Variants in ITPRID1 observed in about 807,000 individuals in gnomAD.
ITPRID1 encodes the protein ITPR interacting domain containing 1.
ITPRID1 carries 96 observed loss-of-function variants against 95.4 expected under a neutral mutation model. The observed-to-expected ratio is 1.01, with a 90% CI of 0.85 to 1.19. The LOEUF (loss-of-function observed/expected upper bound fraction) is 1.19. Ranked by LOEUF, ITPRID1 falls within the 50% of genes most tolerant of loss-of-function variation. The pLI is 0.00. For synonymous variants in ITPRID1, 510 were observed against 453.6 expected (o/e 1.12, Z -1.58); for missense variants, 1,339 against 1,252.9 (o/e 1.07, Z -1.04).
At chr7:31,612,136 C>T (rs1478446609) in intron 10 of ITPRID1, among the ~76,000 whole-genome samples, 2 of 151,744 alleles carry the variant, frequency 1.3e-5, no homozygotes, top group Non-Finnish European at 2.9e-5. Flanking sequence ...ATGTTGAGGT[C>T]CTGTACTGAA....
At chr7:31,526,813 A>G (rs1238526501) in intron 1 of ITPRID1, among the ~76,000 whole-genome samples, 6 of 152,116 alleles carry the variant, frequency 3.9e-5, no homozygotes, top group Non-Finnish European at 7.4e-5. Flanking sequence ...TACAGTCACC[A>G]TAATATCTTA....
At chr7:31,642,605 A>G (rs752554535) in intron 11 of ITPRID1, 77 bp from the exon 12 acceptor site, 55 of 1,322,878 alleles carry the variant, frequency 4.2e-5, no homozygotes, top group Non-Finnish European at 5.1e-5. Flanking sequence ...GGCAATGACA[A>G]GAAGAAAATC....
At chr7:31,583,703 G>A (rs912273780) in intron 10 of ITPRID1, among the ~76,000 whole-genome samples, 4 of 152,070 alleles carry the variant, frequency 2.6e-5, no homozygotes, top group Non-Finnish European at 4.4e-5. Flanking sequence ...CCACAGAAAC[G>A]TTCAATATTC....
chr7:31,532,143 GTTTAT>G (rs1198985257), intron 1 of ITPRID1, among the ~76,000 whole-genome samples: 4 of 151,718 alleles, frequency 2.6e-5, no homozygotes, highest in Non-Finnish European at 2.9e-5. Flanking sequence ...TTTATAACAT[GTTTAT>G]TTTATTTTGT....
chr7:31,621,780 C>A (rs1787926404), intron 10 of ITPRID1, among the ~76,000 whole-genome samples: 1 of 148,478 alleles, frequency 6.7e-6, no homozygotes, highest in South Asian at 2.1e-4. Flanking sequence ...TGTAAATGGA[C>A]TAAATGCTCC....
intron 10 of ITPRID1, among the ~76,000 whole-genome samples, chr7:31,621,869 A>G (rs1172650197): frequency 6.6e-6 from 1 of 151,098 alleles, no homozygotes; most frequent in East Asian, 2.0e-4. Context: ...CCCATCTCAC[A>G]TGCAGAGACA....
Position 31,519,612 on chromosome 7 carries a change from C to A in ITPRID1, c.-98+5492C>A, listed in dbSNP as rs1356120737. Among the ~76,000 whole-genome samples the A allele has an allele frequency of 6.6e-3, 310 of 46,748 alleles. 3 individuals carry two copies. Among genetic ancestry groups the A allele is most frequent in the African/African-American group, 0.02 (236 of 12,000 alleles). 30.7% of individuals were successfully genotyped at this position (46,748 alleles called of 152,430 possible). ...TCTCTCTCTCTCTCTCTCTCTCTCT[C>A]TCTCTCTCTATATATATATATATAT... On this transcript the variant is annotated intron_variant, in intron 1 of 14. Transcript: ENST00000615280.
chr7:31,621,296 A>G (rs1365593529), intron 10 of ITPRID1, among the ~76,000 whole-genome samples: 2 of 87,034 alleles, frequency 2.3e-5, no homozygotes, highest in Admixed American at 2.6e-4. Flanking sequence ...ACTCCAAGAC[A>G]CATAATTGTC....
intron 3 of ITPRID1, 117 bp from the exon 4 acceptor site, chr7:31,554,358 G>A: frequency 2.8e-6 from 4 of 1,428,734 alleles, no homozygotes; most frequent in Non-Finnish European, 3.7e-6. Flanking sequence ...GCTTATGGAA[G>A]GAAACATGTG....
intron 10 of ITPRID1, among the ~76,000 whole-genome samples, chr7:31,623,508 C>T (rs1175244768): frequency 4.6e-5 from 7 of 151,836 alleles, no homozygotes; most frequent in African/African-American, 7.2e-5. Flanking sequence ...AAAAATGACA[C>T]GATTATCTCA....
intron 3 of ITPRID1, among the ~76,000 whole-genome samples, chr7:31,553,494 G>T (rs930833419): frequency 1.3e-5 from 2 of 152,162 alleles, no homozygotes; most frequent in Non-Finnish European, 2.9e-5. Flanking sequence ...TGGGCATGAG[G>T]CTTCTTTCAG....
chr7:31,629,574 A>T (rs1030156940), intron 10 of ITPRID1, among the ~76,000 whole-genome samples: 8 of 152,246 alleles, frequency 5.3e-5, no homozygotes, highest in Non-Finnish European at 7.3e-5. Flanking sequence ...TAAGAAAATG[A>T]TATGAAAAGA....
chr7:31,518,553 A>G (rs1043212080), intron 1 of ITPRID1, among the ~76,000 whole-genome samples: 2 of 152,222 alleles, frequency 1.3e-5, no homozygotes, highest in Admixed American at 6.5e-5. Context: ...TTGACCTTGA[A>G]GTGCATAAAC....
At chr7:31,608,227 GT>G (rs1471822106) in intron 10 of ITPRID1, among the ~76,000 whole-genome samples, 2 of 151,892 alleles carry the variant, frequency 1.3e-5, no homozygotes, top group Non-Finnish European at 2.9e-5. Flanking sequence ...TTATATGTCT[GT>G]CTGTATACTA....
intron 1 of ITPRID1, among the ~76,000 whole-genome samples, chr7:31,533,393 A>T (rs911092099): frequency 6.6e-6 from 1 of 152,302 alleles, no homozygotes; most frequent in East Asian, 1.9e-4. Context: ...ATCAATTTTT[A>T]TCAATTGTTT....
intron 1 of ITPRID1, among the ~76,000 whole-genome samples, chr7:31,523,046 G>A (rs1021960650): frequency 6.6e-6 from 1 of 152,158 alleles, no homozygotes; most frequent in African/African-American, 2.4e-5. Flanking sequence ...GATTCATAGG[G>A]CTAATGTAAG....
rs541915693 is a variant in ITPRID1, at chr7:31,573,121, A to C, written c.395+933A>C. Among the ~76,000 whole-genome samples the C allele has an allele frequency of 4.6e-5, 7 of 152,302 alleles. No homozygotes were observed. In the South Asian group the frequency reaches 1.2e-3, roughly 27 times the overall value. On this transcript the variant is annotated intron_variant, in intron 7 of 14. Coordinates refer to ENST00000615280, the MANE Select transcript of ITPRID1 (RefSeq NM_001257967.3). ...TCCCATGATTAAGATATCCAAATGGAGCCATCTCCAGTTCACGTTATAAGT... is the reference window on the plus strand; with the variant it reads ...TCCCATGATTAAGATATCCAAATGGCGCCATCTCCAGTTCACGTTATAAGT...
chr7:31,569,975 A>G (rs1203426816), intron 6 of ITPRID1, among the ~76,000 whole-genome samples, 166 bp downstream of exon 6: 1 of 152,182 alleles, frequency 6.6e-6, no homozygotes. Flanking sequence ...CAGCTTTGAG[A>G]GAAATAGAGG....
intron 2 of ITPRID1, among the ~76,000 whole-genome samples, chr7:31,552,177 G>C (rs1024739497): frequency 7.0e-6 from 1 of 142,844 alleles, no homozygotes; most frequent in African/African-American, 2.5e-5. Flanking sequence ...AATAATGGGG[G>C]CAGCTGATAC....
Sources: gnomAD v4.1 joint callset for allele counts (sites outside exome capture counted in the v4.1 genomes callset) on GRCh38, gnomAD v4.1.1 for gene constraint, MANE v1.5 for transcripts, NCBI Gene and HGNC (gene_info 2026-07-23, HGNC 2026-07-21) for gene names.